DOCK4: variants seen among roughly 807,000 people sequenced by gnomAD.
The protein encoded by DOCK4 is dedicator of cytokinesis 4.
DOCK4 carries 97 observed loss-of-function variants against 268.1 expected under a neutral mutation model. That is an observed-to-expected ratio of 0.36 (90% confidence interval 0.31 to 0.43). The LOEUF (loss-of-function observed/expected upper bound fraction) is 0.43, where lower values mean the gene tolerates loss of function less well. Among genes scored for constraint, DOCK4 ranks in the 20% least tolerant of loss-of-function variants. The pLI is 1.00. For synonymous variants in DOCK4, 954 were observed against 887.2 expected, an observed-to-expected ratio of 1.08 and a Z score of -1.34; for missense variants, 2,145 against 2,455.7, an observed-to-expected ratio of 0.87 and a Z score of 2.67.
At chr7:111,945,298 G>T (rs1795530774) in intron 9 of DOCK4, among the ~76,000 whole-genome samples, 1 of 152,176 alleles carries the variant, frequency 6.6e-6, no homozygotes, top group African/African-American at 2.4e-5. Context: ...CAATTCTCCT[G>T]CCTCAGCCTC....
At chr7:111,933,324 CTCTCT>C (rs1794424250) in intron 12 of DOCK4, among the ~76,000 whole-genome samples, 1 of 125,092 alleles carries the variant, frequency 8.0e-6, no homozygotes, top group East Asian at 2.3e-4. Flanking sequence ...GAGATGGAGT[CTCTCT>C]CTGTCGCCAG....
At chr7:111,985,211 G>A (rs991702760) in intron 6 of DOCK4, among the ~76,000 whole-genome samples, 1 of 151,984 alleles carries the variant, frequency 6.6e-6, no homozygotes, top group Non-Finnish European at 1.5e-5. Flanking sequence ...TGACACCAAT[G>A]CCACACAGTT....
chr7:111,929,495 T>C (rs1216846826), intron 12 of DOCK4, among the ~76,000 whole-genome samples: 1 of 152,226 alleles, frequency 6.6e-6, no homozygotes, highest in African/African-American at 2.4e-5. Context: ...TACTTTTATT[T>C]CAATGATACT....
At chr7:112,114,243 GGTTCACCT>G (rs957714120) in intron 1 of DOCK4, among the ~76,000 whole-genome samples, 15 of 151,952 alleles carry the variant, frequency 9.9e-5, no homozygotes, top group Non-Finnish European at 1.9e-4. Flanking sequence ...GGAAAATGTT[GGTTCACCT>G]GTAATACAGA....
At chr7:112,171,415 TC>T (rs1413766193) in intron 1 of DOCK4, among the ~76,000 whole-genome samples, 17 of 150,552 alleles carry the variant, frequency 1.1e-4, no homozygotes, top group Non-Finnish European at 5.9e-5. Flanking sequence ...AACTGTTTTT[TC>T]TTTTTTTATA....
chr7:112,166,168 T>C (rs1211791534), intron 1 of DOCK4, among the ~76,000 whole-genome samples: 1 of 152,210 alleles, frequency 6.6e-6, no homozygotes, highest in African/African-American at 2.4e-5. Context: ...ACTAGGTTTC[T>C]TGGGAAACTA....
chr7:112,055,334 T>A (rs541078034), intron 1 of DOCK4, among the ~76,000 whole-genome samples: 1 of 152,220 alleles, frequency 6.6e-6, no homozygotes, highest in Non-Finnish European at 1.5e-5. Flanking sequence ...AGGACAGTCA[T>A]CCCATCACAG....
chr7:112,079,832 CATT>C (rs1286784213), intron 1 of DOCK4, among the ~76,000 whole-genome samples: 23 of 152,290 alleles, frequency 1.5e-4, no homozygotes, highest in South Asian at 1.2e-3. Flanking sequence ...CACTGGTTAT[CATT>C]AATAACATCA....
chr7:111,774,421 T>C (rs1186350556), intron 36 of DOCK4, among the ~76,000 whole-genome samples: 1 of 151,960 alleles, frequency 6.6e-6, no homozygotes, highest in Non-Finnish European at 1.5e-5. Flanking sequence ...GGGCCGAGAT[T>C]GCACCACTGC....
At chr7:111,854,810 T>G (rs1408703244) in intron 23 of DOCK4, among the ~76,000 whole-genome samples, 3 of 152,246 alleles carry the variant, frequency 2.0e-5, no homozygotes, top group African/African-American at 7.2e-5. Context: ...GATATCATTG[T>G]GATCAAGGCA....
chr7:111,791,523 C>A (rs1799548689), intron 30 of DOCK4, among the ~76,000 whole-genome samples: 2 of 151,860 alleles, frequency 1.3e-5, no homozygotes, highest in African/African-American at 4.8e-5. Context: ...AAACAGCTCA[C>A]TGCTACCTCT....
At chr7:112,003,073 GAA>G (rs1198632348) in intron 2 of DOCK4, among the ~76,000 whole-genome samples, 1 of 147,586 alleles carries the variant, frequency 6.8e-6, no homozygotes, top group African/African-American at 2.5e-5. Flanking sequence ...AAAGGAAACA[GAA>G]AAAAAGAAAA....
chr7:111,875,387 A>T (rs1265897722), intron 17 of DOCK4, among the ~76,000 whole-genome samples: 6 of 152,230 alleles, frequency 3.9e-5, no homozygotes, highest in African/African-American at 1.4e-4. Context: ...TACAACTAGC[A>T]CAAATTCAGT....
At chr7:111,986,604 AC>A (rs1222533003) in intron 6 of DOCK4, among the ~76,000 whole-genome samples, 2 of 152,256 alleles carry the variant, frequency 1.3e-5, no homozygotes, top group East Asian at 3.9e-4. Flanking sequence ...CAACTCAGTC[AC>A]TAAACTACTC....
chr7:111,911,220 G>A (rs773576267), intron 13 of DOCK4, among the ~76,000 whole-genome samples: 15 of 152,086 alleles, frequency 9.9e-5, no homozygotes, highest in African/African-American at 1.7e-4. Flanking sequence ...GCTTGCAGAC[G>A]GTCAGTGTAA....
intron 1 of DOCK4, among the ~76,000 whole-genome samples, chr7:112,133,267 A>T (rs1486521768): frequency 6.6e-6 from 1 of 151,178 alleles, no homozygotes; most frequent in East Asian, 2.0e-4. Flanking sequence ...CTAGCCAGAG[A>T]GAAACCAAAA....
At chr7:112,126,347 G>A (rs539213566) in intron 1 of DOCK4, among the ~76,000 whole-genome samples, 2 of 152,098 alleles carry the variant, frequency 1.3e-5, no homozygotes, top group Non-Finnish European at 2.9e-5. Context: ...TAGAGATGAA[G>A]GTAAAGCTCA....
chr7:111,731,755 C>T (rs1563420463), intron 52 of DOCK4, among the ~76,000 whole-genome samples: 1 of 151,994 alleles, frequency 6.6e-6, no homozygotes, highest in African/African-American at 2.4e-5. Flanking sequence ...AAAATATTAA[C>T]AGAGAATGTT....
intron 42 of DOCK4, among the ~76,000 whole-genome samples, chr7:111,748,111 A>G (rs2133486850): frequency 1.3e-5 from 2 of 152,338 alleles, no homozygotes; most frequent in South Asian, 4.1e-4. Flanking sequence ...GTGCTCTTCA[A>G]ATGTATGTCA....
Sources: gnomAD v4.1 joint callset for allele counts (sites outside exome capture counted in the v4.1 genomes callset) on GRCh38, gnomAD v4.1.1 for gene constraint, MANE v1.5 for transcripts, NCBI Gene and HGNC (gene_info 2026-07-23, HGNC 2026-07-21) for gene names.